Variants in FAAH2 observed in about 807,000 individuals in gnomAD.
FAAH2 encodes fatty-acid amide hydrolase 2.
A neutral mutation model predicts 36.9 loss-of-function variants in FAAH2; 60 were observed. The ratio of observed to expected loss-of-function variants is 1.63; its 90% CI spans 1.32 to 2.02. The LOEUF (loss-of-function observed/expected upper bound fraction) is 2.02, where lower values mean the gene tolerates loss of function less well. Among genes scored for constraint, FAAH2 ranks in the 30% most tolerant of loss-of-function variants. The probability of loss-of-function intolerance (pLI) is 0.00; values close to 1 mark genes in which losing one functional copy is unlikely to be tolerated. For missense variants in FAAH2, 689 were observed against 397.5 expected (o/e 1.73, Z -6.23); for synonymous variants, 214 against 143.8 (o/e 1.49, Z -3.49).
the FAAH2 span, among the ~76,000 whole-genome samples, chrX:57,176,273 GTT>G: frequency 0.45 from 46,299 of 101,758 alleles, 10,231 homozygotes; most frequent in African/African-American, 0.84. Context: ...TCATGTAATT[GTT>G]TTTTTTTTTT....
the FAAH2 span, among the ~76,000 whole-genome samples, chrX:57,213,708 G>T: frequency 1.9e-4 from 21 of 111,617 alleles, no homozygotes; most frequent in African/African-American, 4.9e-4. Context: ...TATGATTTTG[G>T]TTTTTTTAAC....
intron 2 of FAAH2, among the ~76,000 whole-genome samples, chrX:57,308,052 C>G (rs775644679): frequency 8.9e-6 from 1 of 111,833 alleles, no homozygotes; most frequent in South Asian, 3.7e-4. Flanking sequence ...CATTGATGGG[C>G]ATCTAGATTG....
chrX:57,339,469 A>G (rs891623700), intron 4 of FAAH2, among the ~76,000 whole-genome samples: 1 of 112,254 alleles, frequency 8.9e-6, no homozygotes, highest in African/African-American at 3.2e-5. Context: ...CATCAGAGTG[A>G]ACAGACAACC....
chrX:57,378,378 G>A (rs151300741), intron 5 of FAAH2, among the ~76,000 whole-genome samples: 1,652 of 110,861 alleles, frequency 0.015, 75 homozygotes, highest in Admixed American at 0.11. Context: ...AGAGAGAATA[G>A]CCTAATAAGT....
At chrX:57,477,889 T>C (rs1044470628) in intron 10 of FAAH2, among the ~76,000 whole-genome samples, 1 of 112,094 alleles carries the variant, frequency 8.9e-6, no homozygotes, top group African/African-American at 3.2e-5. Context: ...AGTCTATCAT[T>C]GTTGGACATT....
chrX:57,378,622 G>C, intron 5 of FAAH2, 29 bp from the exon 6 acceptor site: 1 of 1,208,108 alleles, frequency 8.3e-7, no homozygotes, highest in Non-Finnish European at 1.1e-6. Context: ...CTTATTTTGG[G>C]CGGCTAACCT....
At chrX:57,394,761 C>A in intron 7 of FAAH2, 3 of 912,916 alleles carry the variant, frequency 3.3e-6, no homozygotes, top group Non-Finnish European at 4.8e-6. Context: ...TTAACCATTT[C>A]AGGCCGACCA....
At chrX:57,382,345 T>C (rs1467685396) in intron 7 of FAAH2, among the ~76,000 whole-genome samples, 4 of 109,000 alleles carry the variant, frequency 3.7e-5, no homozygotes, top group Admixed American at 9.8e-5. Flanking sequence ...CTGAAGGAGA[T>C]AGAGACATAA....
rs758769166 is a variant in FAAH2, at chrX:57,448,321, G to A, written c.1229-203G>A. ...AATCCTTATGATGAACTATGCAGTA[G>A]CAGAGGCTAGAAATGTTATATATAG... On this transcript the variant is annotated intron_variant, in intron 9 of 10. Transcript: ENST00000374900. 9.8e-5 allele frequency among the ~76,000 whole-genome samples: 11 copies of A among 112,522 alleles called. No individual in the cohort carries two copies. In the East Asian group the frequency reaches 3.1e-3, roughly 31 times the overall value.
intron 10 of FAAH2, among the ~76,000 whole-genome samples, chrX:57,478,300 T>A (rs897173095): frequency 1.8e-5 from 2 of 111,777 alleles, no homozygotes; most frequent in African/African-American, 6.5e-5. Flanking sequence ...TTGAGAAGTG[T>A]CTGTTCATGT....
At chrX:57,440,721 T>G (rs1389869542) in intron 8 of FAAH2, among the ~76,000 whole-genome samples, 3 of 111,860 alleles carry the variant, frequency 2.7e-5, no homozygotes, top group African/African-American at 9.8e-5. Flanking sequence ...CCATTCAATA[T>G]GACATTGGCT....
chrX:57,296,067 A>T (rs889802602), intron 2 of FAAH2, among the ~76,000 whole-genome samples: 2 of 112,195 alleles, frequency 1.8e-5, no homozygotes, highest in Non-Finnish European at 1.9e-5. Context: ...ACCTCTGCAG[A>T]CTTAAATGTC....
At chrX:57,199,246 G>T in the FAAH2 span, among the ~76,000 whole-genome samples, 4 of 110,768 alleles carry the variant, frequency 3.6e-5, no homozygotes, top group East Asian at 1.1e-3. Flanking sequence ...GCTATAAACT[G>T]CTTTTGCTGT....
At chrX:57,133,647 G>A in the FAAH2 span, among the ~76,000 whole-genome samples, 1 of 111,445 alleles carries the variant, frequency 9.0e-6, no homozygotes, top group Non-Finnish European at 1.9e-5. Context: ...AATTTCAGGA[G>A]ATACCAGAGA....
At chrX:57,416,705 T>G (rs1350998609) in intron 7 of FAAH2, among the ~76,000 whole-genome samples, 1 of 111,709 alleles carries the variant, frequency 9.0e-6, no homozygotes, top group Non-Finnish European at 1.9e-5. Flanking sequence ...ATTATGTGTC[T>G]TGGGGTTGCT....
intron 4 of FAAH2, among the ~76,000 whole-genome samples, chrX:57,340,286 T>C (rs1382925743): frequency 6.3e-5 from 7 of 111,819 alleles, no homozygotes; most frequent in African/African-American, 2.3e-4. Flanking sequence ...GCTGATTAGA[T>C]GGTGCCTGTT....
chrX:57,475,039 G>A (rs2057239872), intron 10 of FAAH2, among the ~76,000 whole-genome samples: 1 of 111,519 alleles, frequency 9.0e-6, no homozygotes, highest in African/African-American at 3.3e-5. Context: ...AATTTTTGAT[G>A]GGATTTTTTG....
chrX:57,212,289 A>C, the FAAH2 span, among the ~76,000 whole-genome samples: 4 of 112,288 alleles, frequency 3.6e-5, no homozygotes, highest in African/African-American at 6.5e-5. Context: ...GTGCACAATG[A>C]TACTGATAAC....
the FAAH2 span, chrX:57,137,347 G>A: frequency 1.3e-6 from 1 of 758,176 alleles, no homozygotes; most frequent in East Asian, 1.5e-4. Context: ...GGGGAGGGTA[G>A]GATCCATAGA....
Sources: gnomAD v4.1 joint callset for allele counts (sites outside exome capture counted in the v4.1 genomes callset) on GRCh38, gnomAD v4.1.1 for gene constraint, MANE v1.5 for transcripts, NCBI Gene and HGNC (gene_info 2026-07-23, HGNC 2026-07-21) for gene names.